Variants in FBXL3 observed in about 807,000 individuals in gnomAD.
The protein encoded by FBXL3 is F-box/LRR-repeat protein 3.
A neutral mutation model predicts 37.9 loss-of-function variants in FBXL3; 14 were observed. The ratio of observed to expected loss-of-function variants is 0.37; its 90% confidence interval spans 0.24 to 0.58. The LOEUF is 0.58. Among genes scored for constraint, FBXL3 ranks in the 20% least tolerant of loss-of-function variants. The pLI is 0.74. For synonymous variants in FBXL3, 194 were observed against 180.1 expected (o/e 1.08, Z -0.62); for missense variants, 327 against 511.1 (o/e 0.64, Z 3.47).
chr13:77,021,647 T>A lies in FBXL3; in HGVS notation c.214A>T (p.Met72Leu), dbSNP rs922294840. Residue 72 changes from methionine (M) to leucine (L), a missense_variant, in exon 2 of 5, where the codon ATG (methionine) becomes TTG (leucine). Met to Leu is a conservative substitution (Grantham distance 15). Transcript: ENST00000355619. Reference protein sequence around the residue: ...VCRNWNQVFHMPDLWRCFEFE... With the variant: ...VCRNWNQVFHLPDLWRCFEFE... ...TCAAAACATCTCCACAAGTCAGGCATGTGAAATACCTGGTTCCAGTTGCGG... is the reference window on the plus strand; with the variant it reads ...TCAAAACATCTCCACAAGTCAGGCAAGTGAAATACCTGGTTCCAGTTGCGG... 7 of 1,614,054 alleles carry A rather than the reference T, an allele frequency of 4.3e-6. No homozygotes were observed. In the African/African-American group the frequency reaches 9.3e-5, roughly 22 times the overall value.
intron 1 of FBXL3, among the ~76,000 whole-genome samples, chr13:77,022,860 T>C (rs1331324047): frequency 6.6e-6 from 1 of 152,192 alleles, no homozygotes; most frequent in East Asian, 1.9e-4. Flanking sequence ...CCAAGCTCCT[T>C]GGGTTTGAAT....
Position 77,007,286 on chromosome 13 carries a change from C to A in FBXL3, c.1146G>T (p.Met382Ile), listed in dbSNP as rs1178134325. 3.7e-6 allele frequency: 6 copies of A among 1,613,898 alleles called. No homozygotes were observed. Among genetic ancestry groups the A allele is most frequent in the Non-Finnish European group, 5.1e-6 (6 of 1,179,970 alleles). ...ATAATTGAGATAGGCGGCCACCACACATCTTCACAAACTCAACAAAGGCAC... is the reference window on the plus strand; with the variant it reads ...ATAATTGAGATAGGCGGCCACCACAAATCTTCACAAACTCAACAAAGGCAC... ...SCSAFVEFVK[M>I]CGGRLSQLSI... Residue 382 changes from methionine (M) to isoleucine (I), a missense_variant, in exon 5 of 5, where the codon ATG (methionine) becomes ATT (isoleucine). Transcript: ENST00000355619.
Position 77,007,744 on chromosome 13 carries a change from C to T in FBXL3, c.688G>A (p.Ala230Thr), listed in dbSNP as rs199748270. 13 of 1,612,746 alleles carry T rather than the reference C, an allele frequency of 8.1e-6. No homozygotes were observed. The Admixed American group carries it at 1.7e-4, about 21-fold the overall frequency. The part of the protein sequence containing the change: ...ADQCHGLREL[A>T]LNYHLLSDEL... ...TCACTCAATAAGTGGTAGTTCAGGG[C>T]TAGTTCTCTTAAGCCGTGACACTGA... The change falls in exon 5 of 5, where the codon GCC becomes ACC. Residue 230 changes from alanine (A) to threonine (T), a missense_variant. Ala to Thr is a moderately conservative substitution (Grantham distance 58). Coordinates refer to ENST00000355619, the MANE Select transcript of FBXL3 (RefSeq NM_012158.4).
chr13:77,008,256 AAG>A (rs1283603730), intron 4 of FBXL3, among the ~76,000 whole-genome samples: 1 of 152,244 alleles, frequency 6.6e-6, no homozygotes, highest in Non-Finnish European at 1.5e-5. Flanking sequence ...TAGGTAATGA[AAG>A]AAAACATTTA....
intron 2 of FBXL3, among the ~76,000 whole-genome samples, chr13:77,020,097 G>A (rs912383910): frequency 1.3e-5 from 2 of 152,066 alleles, no homozygotes; most frequent in African/African-American, 4.8e-5. Context: ...CTTCTTCCCT[G>A]GGGGTATGGG....
chr13:77,011,696 C>T (rs1007037702), intron 4 of FBXL3, among the ~76,000 whole-genome samples: 2 of 145,434 alleles, frequency 1.4e-5, no homozygotes, highest in Non-Finnish European at 3.0e-5. Flanking sequence ...CCACTCCAGC[C>T]TGGGCGACAG....
chr13:77,018,542 AG>A (rs2154037359), intron 3 of FBXL3, 57 bp downstream of exon 3: 2 of 1,417,466 alleles, frequency 1.4e-6, no homozygotes, highest in East Asian at 2.4e-5. Context: ...CAAAAAAAAA[AG>A]ATTAGACTTT....
chr13:77,016,298 A>C (rs1460759793), intron 3 of FBXL3: 1 of 152,190 alleles, frequency 6.6e-6, no homozygotes, highest in East Asian at 1.9e-4. Context: ...GATCTAAAGG[A>C]ATCAATGTAG....
At position 77,015,339 on chromosome 13, in the gene FBXL3, C is replaced by A. The variant is rs149441930; in HGVS notation, c.643+70G>T. 3.9e-3 allele frequency: 4,449 copies of A among 1,133,728 alleles called. 139 individuals carry two copies. Among genetic ancestry groups the A allele is most frequent in the East Asian group, 9.6e-3 (352 of 36,672 alleles). 70.2% of individuals were successfully genotyped at this position (1,133,728 alleles called of 1,614,324 possible). On this transcript the variant is annotated intron_variant, in intron 4 of 4. Transcript: ENST00000355619. ...TTAATCCACCTTCAAGGTTAATGAT[C>A]ATAGTTTTTTCTAATTTGAACATAG...
chr13:77,011,344 C>CA (rs34255078), intron 4 of FBXL3, among the ~76,000 whole-genome samples: 7,492 of 74,846 alleles, frequency 0.1, 305 homozygotes, highest in Middle Eastern at 0.16. Context: ...ACTTTGTCTC[C>CA]AAAAAAAAAA....
intron 1 of FBXL3, chr13:77,026,431 C>G (rs2034839638): frequency 1.3e-5 from 12 of 944,696 alleles, no homozygotes; most frequent in Non-Finnish European, 1.5e-5. Context: ...CTCAAGCTAC[C>G]AGCACGGGCG....
At chr13:77,008,040 C>T (rs1300876818) in intron 4 of FBXL3, among the ~76,000 whole-genome samples, 2 of 152,178 alleles carry the variant, frequency 1.3e-5, no homozygotes, top group Non-Finnish European at 2.9e-5. Context: ...TTAACTCTGT[C>T]ATTTAAAAAA....
chr13:77,006,824 T>C lies in FBXL3; in HGVS notation c.*321A>G. On this transcript the variant is annotated 3_prime_UTR_variant, in exon 5 of 5. Transcript: ENST00000355619. ...GAATATAACATTTCAGAAAACCTAT[T>C]AGTACTTCTTGGATATTATAACATA... The C allele has an allele frequency of 9.4e-7, 1 of 1,068,380 alleles. No individual in the cohort carries two copies. The allele number at this position is 1,068,380 out of a possible 1,614,324, so 66.2% of individuals were successfully genotyped here.
chr13:77,025,535 C>A (rs1269662615), intron 1 of FBXL3, among the ~76,000 whole-genome samples: 1 of 151,954 alleles, frequency 6.6e-6, no homozygotes. Flanking sequence ...CCAGCCTGGG[C>A]AACACGATGA....
At chr13:77,009,075 C>G (rs1270508737) in intron 4 of FBXL3, 2 of 152,182 alleles carry the variant, frequency 1.3e-5, no homozygotes, top group African/African-American at 4.8e-5. Flanking sequence ...GAAGTGGAGA[C>G]AGCTAGCTAA....
chr13:77,026,224 G>C, intron 1 of FBXL3: 1 of 985,414 alleles, frequency 1.0e-6, no homozygotes. Context: ...ACCCCTGTCT[G>C]CAACCCCACC....
intron 3 of FBXL3, 60 bp from the exon 4 acceptor site, chr13:77,015,640 G>T: frequency 1.7e-6 from 2 of 1,176,344 alleles, no homozygotes; most frequent in Non-Finnish European, 1.1e-6. Context: ...AGAATCAAGG[G>T]GTTTCCTAGT....
At chr13:77,012,364 ACTT>A (rs2034569853) in intron 4 of FBXL3, among the ~76,000 whole-genome samples, 1 of 152,196 alleles carries the variant, frequency 6.6e-6, no homozygotes. Flanking sequence ...TAGGACTTCC[ACTT>A]CTTAAGAATG....
At chr13:77,025,604 T>C (rs1485478019) in intron 1 of FBXL3, among the ~76,000 whole-genome samples, 2 of 137,304 alleles carry the variant, frequency 1.5e-5, no homozygotes, top group African/African-American at 5.4e-5. Context: ...TCTCAGCTAC[T>C]AGGGAGCCTG....
Sources: allele counts gnomAD v4.1 joint callset (sites outside exome capture counted in the v4.1 genomes callset), GRCh38; gene constraint gnomAD v4.1.1; transcripts MANE v1.5; gene names NCBI Gene and HGNC (gene_info 2026-07-23, HGNC 2026-07-21).